The following TTC28 variants were observed in gnomAD, a reference collection of about 807,000 sequenced individuals.
TTC28 encodes the protein tetratricopeptide repeat protein 28.
TTC28 carries 61 observed loss-of-function variants against 198.0 expected under a neutral mutation model. The ratio of observed to expected loss-of-function variants is 0.31; its 90% CI spans 0.25 to 0.38. The LOEUF (loss-of-function observed/expected upper bound fraction) is 0.38, where lower values mean the gene tolerates loss of function less well. Ranked by LOEUF, TTC28 falls within the 10% of genes least tolerant of loss-of-function variation. The pLI, the probability that TTC28 is intolerant of heterozygous loss-of-function variation, is 1.00. For missense variants in TTC28, 2,678 were observed against 3,164.0 expected, an observed-to-expected ratio of 0.85 and a Z score of 3.69; for synonymous variants, 1,171 against 1,297.8, an observed-to-expected ratio of 0.90 and a Z score of 2.10.
At chr22:28,517,096 C>T (rs1402746081) in intron 2 of TTC28, among the ~76,000 whole-genome samples, 1 of 152,090 alleles carries the variant, frequency 6.6e-6, no homozygotes, top group Admixed American at 6.6e-5. Context: ...CAAGTGTTTC[C>T]AAATCTAAAG....
chr22:28,053,290 C>T (rs1940156692), intron 12 of TTC28, among the ~76,000 whole-genome samples: 1 of 152,134 alleles, frequency 6.6e-6, no homozygotes, highest in South Asian at 2.1e-4. Flanking sequence ...CTACATGATT[C>T]AAATTATTCT....
intron 2 of TTC28, among the ~76,000 whole-genome samples, chr22:28,367,178 A>ATATGTTAGGT (rs1230090512): frequency 6.6e-6 from 1 of 152,132 alleles, no homozygotes; most frequent in Non-Finnish European, 1.5e-5. Context: ...GGGATAGACC[A>ATATGTTAGGT]TATGTTAGGT....
intron 2 of TTC28, among the ~76,000 whole-genome samples, chr22:28,607,338 G>C (rs1415138019): frequency 6.6e-6 from 1 of 152,096 alleles, no homozygotes; most frequent in African/African-American, 2.4e-5. Context: ...TGAGAACTTG[G>C]AAGTGTAGAA....
chr22:28,679,467 G>A lies in TTC28; in HGVS notation c.102+155C>T, dbSNP rs1324904972. Among the ~76,000 whole-genome samples the A allele has an allele frequency of 2.0e-5, 3 of 152,174 alleles. No homozygotes were observed. The East Asian group carries it at 5.8e-4, about 29-fold the overall frequency. The stretch of plus-strand genomic sequence containing the variant: ...CTGAGCCAGGCAGGCGGCGGACCAG[G>A]TCCCGCCGCCTCACGGCTCGCGGCT... On this transcript the variant is annotated intron_variant, in intron 1 of 22. Coordinates refer to ENST00000397906, the MANE Select transcript of TTC28 (RefSeq NM_001145418.2).
At chr22:28,133,297 G>A (rs1389747496) in intron 6 of TTC28, among the ~76,000 whole-genome samples, 1 of 152,188 alleles carries the variant, frequency 6.6e-6, no homozygotes, top group Non-Finnish European at 1.5e-5. Flanking sequence ...CCCAGCGTGA[G>A]CAACACAGAA....
intron 2 of TTC28, among the ~76,000 whole-genome samples, chr22:28,465,094 A>G (rs1228966678): frequency 6.6e-6 from 1 of 152,140 alleles, no homozygotes; most frequent in African/African-American, 2.4e-5. Flanking sequence ...ATAGATTTAC[A>G]TTTTCTGGTT....
At chr22:28,537,326 A>C (rs145474153) in intron 2 of TTC28, among the ~76,000 whole-genome samples, 1,974 of 126,258 alleles carry the variant, frequency 0.016, 46 homozygotes, top group East Asian at 0.033. Context: ...AATAAAATAA[A>C]ATAAAATAAA....
intron 5 of TTC28, among the ~76,000 whole-genome samples, chr22:28,214,350 C>T (rs979746875): frequency 1.3e-5 from 2 of 152,116 alleles, no homozygotes; most frequent in East Asian, 3.9e-4. Flanking sequence ...AGGCAACCTA[C>T]AGAAAGGGAG....
At chr22:28,281,418 T>C (rs2044580586) in intron 5 of TTC28, among the ~76,000 whole-genome samples, 1 of 152,120 alleles carries the variant, frequency 6.6e-6, no homozygotes, top group Non-Finnish European at 1.5e-5. Context: ...TTAAATATTA[T>C]ATTTTTCCAT....
At position 28,044,612 on chromosome 22, in the gene TTC28, A is replaced by C. The variant is rs551138307; in HGVS notation, c.3933-14246T>G. ...ATGCTATCCCTCCCCGCTCCCCCCA[A>C]CCCACAACAGTCCCCGGTATGTGAT... On this transcript the variant is annotated intron_variant, in intron 12 of 22. Coordinates refer to ENST00000397906, the MANE Select transcript of TTC28 (RefSeq NM_001145418.2). 3.9e-5 allele frequency among the ~76,000 whole-genome samples: 6 copies of C among 151,994 alleles called. No individual in the cohort carries two copies. In the South Asian group the frequency reaches 8.3e-4, roughly 21 times the overall value.
chr22:28,102,528 C>A (rs1942184545), intron 8 of TTC28, among the ~76,000 whole-genome samples: 1 of 152,222 alleles, frequency 6.6e-6, no homozygotes, highest in Admixed American at 6.5e-5. Context: ...CTCAGCATCA[C>A]TTTGCCCTCA....
chr22:28,142,111 T>A (rs1236045406), intron 6 of TTC28, among the ~76,000 whole-genome samples: 1 of 152,262 alleles, frequency 6.6e-6, no homozygotes, highest in Non-Finnish European at 1.5e-5. Context: ...CTATTCTTAC[T>A]AGACATTCTC....
At chr22:28,019,683 G>A (rs1486016080) in intron 13 of TTC28, among the ~76,000 whole-genome samples, 1 of 152,204 alleles carries the variant, frequency 6.6e-6, no homozygotes, top group African/African-American at 2.4e-5. Context: ...AGAGGGCCGG[G>A]GGCTCCTCAA....
At chr22:28,079,150 A>T (rs1446071810) in intron 12 of TTC28, among the ~76,000 whole-genome samples, 1 of 152,122 alleles carries the variant, frequency 6.6e-6, no homozygotes, top group Non-Finnish European at 1.5e-5. Flanking sequence ...GGTGGGTAGG[A>T]GGGCAAGGAA....
chr22:28,374,709 T>A (rs908393460), intron 2 of TTC28, among the ~76,000 whole-genome samples: 1 of 152,082 alleles, frequency 6.6e-6, no homozygotes, highest in African/African-American at 2.4e-5. Context: ...TGAGATGGAG[T>A]CTCGCTCTGT....
intron 5 of TTC28, among the ~76,000 whole-genome samples, chr22:28,264,173 G>T (rs1052373173): frequency 3.9e-5 from 6 of 152,124 alleles, no homozygotes; most frequent in African/African-American, 4.8e-5. Context: ...CATGAGGGCA[G>T]ATTTTTCCCA....
chr22:28,440,981 G>C (rs17504185), intron 2 of TTC28, among the ~76,000 whole-genome samples: 10,710 of 152,246 alleles, frequency 0.07, 576 homozygotes, highest in Non-Finnish European at 0.11. Flanking sequence ...CTGAAGAATT[G>C]TATCTGGATC....
intron 8 of TTC28, 132 bp downstream of exon 8, chr22:28,105,147 G>A (rs1942257789): frequency 4.4e-6 from 4 of 909,662 alleles, no homozygotes; most frequent in African/African-American, 1.7e-5. Context: ...AACTGACAAT[G>A]TGGCCTCTGA....
chr22:27,990,719 C>T (rs1232497010), intron 20 of TTC28, 70 bp downstream of exon 20: 2 of 1,475,364 alleles, frequency 1.4e-6, no homozygotes, highest in Non-Finnish European at 1.8e-6. Context: ...AGAGCCTGCC[C>T]AGGGGAACTC....
Sources: allele counts gnomAD v4.1 joint callset (sites outside exome capture counted in the v4.1 genomes callset), GRCh38; gene constraint gnomAD v4.1.1; transcripts MANE v1.5; gene names NCBI Gene and HGNC (gene_info 2026-07-23, HGNC 2026-07-21).